TOP2A: variants seen among roughly 807,000 people sequenced by gnomAD.
TOP2A encodes the protein DNA topoisomerase 2-alpha.
Under a neutral mutation model 187.2 loss-of-function variants are expected in TOP2A, and 68 were observed. The ratio of observed to expected loss-of-function variants is 0.36; its 90% CI spans 0.30 to 0.44. The LOEUF (loss-of-function observed/expected upper bound fraction) is 0.44, where lower values mean the gene tolerates loss of function less well. Ranked by LOEUF, TOP2A falls within the 20% of genes least tolerant of loss-of-function variation. The probability of loss-of-function intolerance (pLI) is 1.00; values close to 1 mark genes in which losing one functional copy is unlikely to be tolerated. For missense variants in TOP2A, 1,196 were observed against 1,808.7 expected (o/e 0.66, Z 6.14); for synonymous variants, 542 against 593.2 (o/e 0.91, Z 1.25).
chr17:40,395,111 C>T (rs959569172), intron 29 of TOP2A, among the ~76,000 whole-genome samples: 1 of 151,840 alleles, frequency 6.6e-6, no homozygotes, highest in African/African-American at 2.4e-5. Flanking sequence ...GGTGAAACCC[C>T]GTCTCTACTA....
intron 14 of TOP2A, 58 bp downstream of exon 14, chr17:40,406,774 C>A: frequency 1.3e-6 from 2 of 1,570,682 alleles, no homozygotes; most frequent in Non-Finnish European, 1.8e-6. Context: ...ATATGTATAT[C>A]CAGGTTTGAG....
Position 40,400,421 on chromosome 17 carries a change from A to G in TOP2A, c.2800-12T>C, listed in dbSNP as rs1369631392. 6.2e-7 allele frequency: 1 copy of G among 1,612,016 alleles called. No individual in the cohort carries two copies. Among genetic ancestry groups the G allele is most frequent in the Admixed American group, 1.7e-5 (1 of 59,584 alleles). On this transcript the variant is annotated splice_polypyrimidine_tract_variant and intron_variant, in intron 22 of 34. Transcript: ENST00000423485. ...TGTTCTTTGTATGTCTAAAGAAAGA[A>G]ATAATCCTGAAGTTTCTAAAATATA... is the stretch of plus-strand genomic sequence containing the variant.
rs745986728 is a variant in TOP2A at position 40,400,100 on chromosome 17, T to C, written c.3001-33A>G. ...AGGAAAACAAGATTAGAGCCAAGAA[T>C]AGACAAATTGGCTAAACTTTATAAA... On this transcript the variant is annotated intron_variant, in intron 23 of 34. Coordinates refer to ENST00000423485, the MANE Select transcript of TOP2A (RefSeq NM_001067.4). The C allele has an allele frequency of 9.4e-6, 15 of 1,595,408 alleles. No homozygotes were observed. In the South Asian group the frequency reaches 1.5e-4, roughly 16 times the overall value.
At chr17:40,396,243 G>A (rs2035096272) in intron 28 of TOP2A, 40 bp downstream of exon 28, 1 of 1,195,362 alleles carries the variant, frequency 8.4e-7, no homozygotes. Context: ...GGCCCCCAAA[G>A]TGCTGGGATT....
In TOP2A at chr17:40,400,173, A is replaced by G; in HGVS notation, c.3000+36T>C. ...AAATTGATATTAATCTTTAATATAAATTGAAACGTGTACATCTCACAAAAC... is the reference window on the plus strand; with the variant it reads ...AAATTGATATTAATCTTTAATATAAGTTGAAACGTGTACATCTCACAAAAC... On this transcript the variant is annotated intron_variant, in intron 23 of 34. Coordinates refer to ENST00000423485, the MANE Select transcript of TOP2A (RefSeq NM_001067.4). 4 of 1,603,114 alleles carry G rather than the reference A, an allele frequency of 2.5e-6. No homozygotes were observed. The South Asian group carries it at 4.4e-5, about 18-fold the overall frequency.
At chr17:40,405,687 T>C (rs2035234470) in intron 16 of TOP2A, among the ~76,000 whole-genome samples, 2 of 152,074 alleles carry the variant, frequency 1.3e-5, no homozygotes, top group Admixed American at 6.5e-5. Flanking sequence ...GCCAGGATGG[T>C]CTCCATCTCA....
intron 24 of TOP2A, 162 bp from the exon 25 acceptor site, chr17:40,399,293 G>C: frequency 1.7e-6 from 1 of 604,190 alleles, no homozygotes; most frequent in Non-Finnish European, 2.9e-6. Flanking sequence ...CTAAACCATT[G>C]ACAAATGTAA....
rs2035411699 is a variant in TOP2A at position 40,417,788 on chromosome 17, C to A, written c.4G>T (p.Glu2Ter). Residue 2 changes from glutamate (E) to a stop codon, truncating the protein, a stop_gained, in exon 1 of 35, where the codon GAA (glutamate) becomes TAA (stop). Coordinates refer to ENST00000423485, the MANE Select transcript of TOP2A (RefSeq NM_001067.4). LOFTEE classifies it high-confidence loss of function. M[E>*]VSPLQPVNEN... is the part of the protein sequence containing the mutation. ...AGCCGTACCTGCAATGGTGACACTT[C>A]CATGGTGACGGTCGTGAAGGGGCTC... 6.2e-7 allele frequency: 1 copy of A among 1,613,428 alleles called. No individual in the cohort carries two copies. Among genetic ancestry groups the A allele is most frequent in the Non-Finnish European group, 8.5e-7 (1 of 1,179,886 alleles).
chr17:40,407,472 T>C (rs1394102138), intron 13 of TOP2A, 77 bp downstream of exon 13: 3 of 1,237,432 alleles, frequency 2.4e-6, no homozygotes, highest in African/African-American at 1.5e-5. Context: ...TTTATTTTCA[T>C]GGCAAAAAAC....
chr17:40,413,276 A>G lies in TOP2A; in HGVS notation c.495T>C (p.Tyr165=). Residue 165 remains tyrosine, a synonymous_variant, in exon 6 of 35, where the codon TAT becomes TAC. Transcript: ENST00000423485. ...TGAATATGTTACACAATTTGGCTCC[A>G]TAGCCATTTCGACCACCTGGGCAAA... The part of the protein sequence containing the change: ...EKKVTGGRNG[Y]GAKLCNIFST... The G allele has an allele frequency of 1.9e-6, 3 of 1,561,868 alleles. No homozygotes were observed. The highest frequency in any genetic ancestry group is 1.9e-5 in the Admixed American group (1 of 52,568).
intron 10 of TOP2A, chr17:40,409,644 CGCTACTCAGGAGGCTGGAGAATCCCA>C: frequency 3.9e-6 from 1 of 259,340 alleles, no homozygotes; most frequent in Non-Finnish European, 7.7e-6. Flanking sequence ...CTGTAATCCC[CGCTACTCAGGAGGCTGGAGAATCCCA>C]GCTACTCAGG....
chr17:40,396,179 A>C (rs911606163), intron 28 of TOP2A, 104 bp downstream of exon 28: 1 of 610,042 alleles, frequency 1.6e-6, no homozygotes, highest in African/African-American at 1.9e-5. Flanking sequence ...CAGGGTTTCA[A>C]CCATGTTGGG....
At chr17:40,408,870 G>C in intron 10 of TOP2A, 1 of 617,588 alleles carries the variant, frequency 1.6e-6, no homozygotes, top group East Asian at 3.4e-5. Flanking sequence ...TATTGTGCTA[G>C]CACTGAGCTA....
chr17:40,391,221 T>G, intron 33 of TOP2A: 1 of 260,978 alleles, frequency 3.8e-6, no homozygotes. Context: ...CTGCCTGGCT[T>G]TTGTTTTGTT....
At chr17:40,413,691 A>G in intron 4 of TOP2A, 66 bp from the exon 5 acceptor site, 1 of 788,006 alleles carries the variant, frequency 1.3e-6, no homozygotes, top group Non-Finnish European at 1.9e-6. Context: ...ATTTAAAAAT[A>G]TTTAAATACT....
chr17:40,396,258 G>A, intron 28 of TOP2A, 25 bp downstream of exon 28: 1 of 1,337,730 alleles, frequency 7.5e-7, no homozygotes. Flanking sequence ...GGGATTATAG[G>A]TGTGAGCCAC....
chr17:40,389,404 C>T lies in TOP2A; in HGVS notation c.*115G>A, dbSNP rs2034994817. On this transcript the variant is annotated 3_prime_UTR_variant, in exon 35 of 35. Coordinates refer to ENST00000423485, the MANE Select transcript of TOP2A (RefSeq NM_001067.4). The stretch of plus-strand genomic sequence containing the variant: ...CTTTACTTCACTTTGATGTCTTGTA[C>T]TAAAAACACCTTCCCCAAACTAAAT... 3 of 1,268,960 alleles carry T rather than the reference C, an allele frequency of 2.4e-6. No individual in the cohort carries two copies. Among genetic ancestry groups the T allele is most frequent in the Non-Finnish European group, 3.2e-6 (3 of 935,348 alleles). 78.6% of individuals were successfully genotyped at this position (1,268,960 alleles called of 1,614,324 possible).
chr17:40,392,157 A>C, intron 31 of TOP2A, 46 bp from the exon 32 acceptor site: 2 of 1,611,108 alleles, frequency 1.2e-6, no homozygotes, highest in South Asian at 1.1e-5. Flanking sequence ...TAAATGTGTC[A>C]AGCAAAAAAC....
chr17:40,412,650 A>C, intron 7 of TOP2A, 109 bp downstream of exon 7: 4 of 926,222 alleles, frequency 4.3e-6, no homozygotes, highest in Non-Finnish European at 6.6e-6. Flanking sequence ...TCTCAAACAA[A>C]CAAACAAACA....
Sources: gnomAD v4.1 joint callset for allele counts (sites outside exome capture counted in the v4.1 genomes callset) on GRCh38, gnomAD v4.1.1 for gene constraint, MANE v1.5 for transcripts, NCBI Gene and HGNC (gene_info 2026-07-23, HGNC 2026-07-21) for gene names.